The following CNDP1 variants were observed in gnomAD, a reference collection of about 807,000 sequenced individuals.
CNDP1 encodes the protein carnosine dipeptidase 1.
CNDP1 carries 44 observed loss-of-function variants against 58.1 expected under a neutral mutation model. The observed-to-expected ratio is 0.76, with a 90% CI of 0.60 to 0.97. The LOEUF is 0.97. CNDP1 is among the 50% of genes least tolerant of loss of function. CNDP1 has a pLI of 0.00. For synonymous variants in CNDP1, 254 were observed against 252.6 expected (o/e 1.01, Z -0.05); for missense variants, 616 against 655.1 (o/e 0.94, Z 0.65).
rs943583227 is a variant in CNDP1, at chr18:74,580,058, T to A, written c.1168-72T>A. 3 of 1,373,080 alleles carry A rather than the reference T, an allele frequency of 2.2e-6. No individual in the cohort carries two copies. In the Admixed American group the frequency reaches 5.8e-5, roughly 26 times the overall value. 85.1% of individuals were successfully genotyped at this position (1,373,080 alleles called of 1,614,324 possible). A position where few individuals can be genotyped will look rare whatever the true frequency, so the allele number is the denominator to read the frequency against. On this transcript the variant is annotated intron_variant, in intron 9 of 11. Coordinates refer to ENST00000358821, the MANE Select transcript of CNDP1 (RefSeq NM_032649.6). ...TTAACTGTACTAATCAGTTTCTTGA[T>A]GGAAGACTATATTAACTGTATGAGA...
intron 6 of CNDP1, among the ~76,000 whole-genome samples, 168 bp downstream of exon 6, chr18:74,567,601 G>A (rs567139527): frequency 1.3e-5 from 2 of 152,148 alleles, no homozygotes; most frequent in Non-Finnish European, 2.9e-5. Flanking sequence ...AGGTCTTGGG[G>A]TTTGGGGAGG....
intron 5 of CNDP1, among the ~76,000 whole-genome samples, chr18:74,565,525 T>C (rs7506936): frequency 0.079 from 12,024 of 152,212 alleles, 561 homozygotes; most frequent in African/African-American, 0.13. Flanking sequence ...TGGGAGAAAT[T>C]GGCCAAAACA....
intron 1 of CNDP1, among the ~76,000 whole-genome samples, chr18:74,541,700 T>C (rs1182851199): frequency 1.3e-5 from 2 of 152,152 alleles, no homozygotes; most frequent in African/African-American, 2.4e-5. Flanking sequence ...AGCCCCTTCG[T>C]CCCAGCCCTA....
chr18:74,575,370 C>T (rs778259240), intron 7 of CNDP1, among the ~76,000 whole-genome samples: 3 of 152,198 alleles, frequency 2.0e-5, no homozygotes, highest in Admixed American at 6.5e-5. Context: ...AGACTGTCAG[C>T]AGAAGTTTAG....
In CNDP1 at chr18:74,560,901, G is replaced by A. The variant is rs150779486; in HGVS notation, c.349G>A (p.Glu117Lys). The change falls in exon 4 of 12, where the codon GAA (glutamate) becomes AAA (lysine). Residue 117 changes from glutamate to lysine, a missense_variant. Glu to Lys is a moderately conservative substitution (Grantham distance 56, BLOSUM62 1). Transcript: ENST00000358821. ...TCCAATACCTCCCGTCATCCTGGCC[G>A]AACTGGGGAGCGATCCCACGAAAGG... ...SLPIPPVILA[E>K]LGSDPTKGTV... is the part of the protein sequence containing the mutation. 966 of 1,614,096 alleles carry A rather than the reference G, an allele frequency of 6.0e-4. 7 individuals are homozygous for A. In the African/African-American group the frequency reaches 0.011, roughly 18 times the overall value.
At chr18:74,557,481 C>T (rs1184149363) in intron 2 of CNDP1, among the ~76,000 whole-genome samples, 1 of 152,106 alleles carries the variant, frequency 6.6e-6, no homozygotes, top group Non-Finnish European at 1.5e-5. Flanking sequence ...CAGGAGGAGA[C>T]AGGAGGAGGC....
intron 7 of CNDP1, chr18:74,576,612 C>T (rs1981643042): frequency 2.6e-6 from 1 of 383,954 alleles, no homozygotes. Context: ...GTTGCAGGCC[C>T]AGGTGTTTTC....
intron 8 of CNDP1, 43 bp downstream of exon 8, chr18:74,577,072 C>CAAA: frequency 6.5e-7 from 1 of 1,539,278 alleles, no homozygotes; most frequent in Non-Finnish European, 8.8e-7. Context: ...AGGCATGAGG[C>CAAA]TAGTATATCA....
At chr18:74,561,111 T>G in intron 4 of CNDP1, 93 bp downstream of exon 4, 30 of 1,480,906 alleles carry the variant, frequency 2.0e-5, no homozygotes, top group Middle Eastern at 2.4e-4. Context: ...TTTGGGTCTC[T>G]CCCTGTCATT....
intron 2 of CNDP1, among the ~76,000 whole-genome samples, chr18:74,558,859 G>C (rs1259713793): frequency 6.6e-6 from 1 of 152,180 alleles, no homozygotes; most frequent in African/African-American, 2.4e-5. Flanking sequence ...TAAATGCAGA[G>C]CATGTTAGGA....
intron 1 of CNDP1, among the ~76,000 whole-genome samples, chr18:74,553,168 CAACAT>C (rs1980952448): frequency 6.6e-6 from 1 of 152,190 alleles, no homozygotes; most frequent in African/African-American, 2.4e-5. Context: ...TTTATAGTCT[CAACAT>C]AAGTCCTTTA....
At chr18:74,538,864 G>T (rs1980547346) in intron 1 of CNDP1, among the ~76,000 whole-genome samples, 1 of 152,142 alleles carries the variant, frequency 6.6e-6, no homozygotes, top group Non-Finnish European at 1.5e-5. Context: ...TCCCCGTCAA[G>T]GGATTCTGAC....
intron 7 of CNDP1, 115 bp from the exon 8 acceptor site, chr18:74,576,754 A>C (rs1981645916): frequency 3.3e-6 from 3 of 900,698 alleles, no homozygotes; most frequent in Admixed American, 5.4e-5. Context: ...ACGGGGACCC[A>C]GACAGTCAAG....
In CNDP1 at chr18:74,585,470, C is replaced by T. The variant is rs1048790809; in HGVS notation, c.*908C>T. ...AATCAACCCTGACATCAGTAACACA[C>T]GCTAAATTTAAAGCCATCAGCTAAT... is the stretch of plus-strand genomic sequence containing the variant. On this transcript the variant is annotated 3_prime_UTR_variant, in exon 12 of 12. Coordinates refer to ENST00000358821, the MANE Select transcript of CNDP1 (RefSeq NM_032649.6). The T allele has an allele frequency of 2.0e-5, 3 of 152,296 alleles. No homozygotes were observed. Among genetic ancestry groups the T allele is most frequent in the Middle Eastern group, 3.4e-3 (1 of 294 alleles). 9.4% of individuals were successfully genotyped at this position (152,296 alleles called of 1,614,324 possible).
At chr18:74,561,902 C>A in intron 4 of CNDP1, 145 bp from the exon 5 acceptor site, 1 of 634,544 alleles carries the variant, frequency 1.6e-6, no homozygotes, top group Non-Finnish European at 2.8e-6. Flanking sequence ...AGAAATCATA[C>A]TTTGCAATTT....
chr18:74,573,295 TATCCATTCATCC>T (rs1482713951), intron 7 of CNDP1, among the ~76,000 whole-genome samples: 1 of 151,950 alleles, frequency 6.6e-6, no homozygotes, highest in Non-Finnish European at 1.5e-5. Flanking sequence ...TCCATCCATC[TATCCATTCATCC>T]ATCTATTATC....
In CNDP1 at chr18:74,560,849, T is replaced by C. The variant is rs375547817; in HGVS notation, c.304-7T>C. 1.9e-6 allele frequency: 3 copies of C among 1,611,004 alleles called. No homozygotes were observed. Among genetic ancestry groups the C allele is most frequent in the Non-Finnish European group, 2.5e-6 (3 of 1,177,408 alleles). Reference sequence around the variant, plus strand: ...TTTTGAAAATGTGATTCCTGATCATTCTGCAGCTGCCCGATGGTCAGAGTC... The same window carrying C: ...TTTTGAAAATGTGATTCCTGATCATCCTGCAGCTGCCCGATGGTCAGAGTC... On this transcript the variant is annotated splice_region_variant and splice_polypyrimidine_tract_variant and intron_variant, in intron 3 of 11. Coordinates refer to ENST00000358821, the MANE Select transcript of CNDP1 (RefSeq NM_032649.6).
At chr18:74,546,183 G>A (rs1416924640) in intron 1 of CNDP1, among the ~76,000 whole-genome samples, 1 of 152,194 alleles carries the variant, frequency 6.6e-6, no homozygotes, top group Non-Finnish European at 1.5e-5. Context: ...CTAGATGATG[G>A]AAGGTTCCGG....
Position 74,585,236 on chromosome 18 carries a change from A to C in CNDP1, c.*674A>C, listed in dbSNP as rs1354800848. On this transcript the variant is annotated 3_prime_UTR_variant, in exon 12 of 12. Coordinates refer to ENST00000358821, the MANE Select transcript of CNDP1 (RefSeq NM_032649.6). Reference sequence around the variant, plus strand: ...AGCTTCTTTACCTTTCCTGAGATCGATGCCACCTTGTCAGCTTCTCTGCCT... The same window carrying C: ...AGCTTCTTTACCTTTCCTGAGATCGCTGCCACCTTGTCAGCTTCTCTGCCT... The C allele has an allele frequency of 6.6e-6, 1 of 151,942 alleles. No individual in the cohort carries two copies. The highest frequency in any genetic ancestry group is 1.5e-5 in the Non-Finnish European group (1 of 68,054). 9.4% of individuals were successfully genotyped at this position (151,942 alleles called of 1,614,324 possible).
Sources: gnomAD v4.1 joint callset for allele counts (sites outside exome capture counted in the v4.1 genomes callset) on GRCh38, gnomAD v4.1.1 for gene constraint, MANE v1.5 for transcripts, NCBI Gene and HGNC (gene_info 2026-07-23, HGNC 2026-07-21) for gene names.